PTPRU: variants seen among roughly 807,000 people sequenced by gnomAD.
PTPRU encodes receptor-type tyrosine-protein phosphatase U.
In PTPRU, 69 loss-of-function variants were observed where a neutral mutation model predicts 166.3. The ratio of observed to expected loss-of-function variants is 0.41; its 90% CI spans 0.34 to 0.51. PTPRU has a LOEUF of 0.51. Among genes scored for constraint, PTPRU ranks in the 20% least tolerant of loss-of-function variants. The pLI, the probability that PTPRU is intolerant of heterozygous loss-of-function variation, is 0.09. For missense variants in PTPRU, 1,657 were observed against 2,013.7 expected (o/e 0.82, Z 3.39); for synonymous variants, 793 against 814.0 (o/e 0.97, Z 0.44).
At chr1:29,253,937 A>C (rs1558550583) in intron 1 of PTPRU, among the ~76,000 whole-genome samples, 1 of 152,182 alleles carries the variant, frequency 6.6e-6, no homozygotes, top group Non-Finnish European at 1.5e-5. Flanking sequence ...ATAGGGAAAC[A>C]GAGGCTCAGA....
At chr1:29,304,627 A>G in intron 16 of PTPRU, 147 bp from the exon 17 acceptor site, 2 of 560,940 alleles carry the variant, frequency 3.6e-6, no homozygotes, top group Non-Finnish European at 3.2e-6. Flanking sequence ...CCACAGTGAC[A>G]CAGTGACTTT....
chr1:29,264,481 G>T (rs1260375611), intron 7 of PTPRU, among the ~76,000 whole-genome samples: 1 of 151,512 alleles, frequency 6.6e-6, no homozygotes, highest in Non-Finnish European at 1.5e-5. Flanking sequence ...TTTCAAATGT[G>T]GTGTGAGGTA....
rs748218547 is a variant in PTPRU at position 29,259,358 on chromosome 1, C to A, written c.559+16C>A. On this transcript the variant is annotated intron_variant, in intron 4 of 29. Coordinates refer to ENST00000373779, the MANE Select transcript of PTPRU (RefSeq NM_133178.4). ...TACCCCTGCGGTGAGTCCCAGCCCA[C>A]TGGGGGCGCAGGGGTAAGGGGTGTG... 1 of 1,613,238 alleles carries A rather than the reference C, an allele frequency of 6.2e-7. No homozygotes were observed.
At chr1:29,246,368 C>T (rs995497758) in intron 1 of PTPRU, among the ~76,000 whole-genome samples, 4 of 152,222 alleles carry the variant, frequency 2.6e-5, no homozygotes, top group Admixed American at 1.3e-4. Flanking sequence ...CACTGCCCCA[C>T]GTTGCACATG....
Position 29,315,907 on chromosome 1 carries a change from C to T in PTPRU, c.3364-95C>T. 3.4e-6 allele frequency: 5 copies of T among 1,460,940 alleles called. No homozygotes were observed. The highest frequency in any genetic ancestry group is 4.7e-6 in the Non-Finnish European group (5 of 1,074,880). The allele number at this position is 1,460,940 out of a possible 1,614,324, so 90.5% of individuals were successfully genotyped here. A position where few individuals can be genotyped will look rare whatever the true frequency, so the allele number is the denominator to read the frequency against. On this transcript the variant is annotated intron_variant, in intron 23 of 29. Transcript: ENST00000373779. The surrounding 1 kb of genome is among the most constrained non-coding windows in gnomAD (Gnocchi z 4.5). ...AACATGGTTGGCCTCCACCTCAGGA[C>T]ACCCTGCTTCAACCTTGAGCTTGCT...
At chr1:29,268,154 T>G (rs1685386672) in intron 7 of PTPRU, among the ~76,000 whole-genome samples, 2 of 152,320 alleles carry the variant, frequency 1.3e-5, no homozygotes, top group South Asian at 2.1e-4. Context: ...TCGAGATCCC[T>G]ATTAGACATT....
chr1:29,284,043 G>GA, intron 13 of PTPRU, 67 bp downstream of exon 13: 1 of 1,583,054 alleles, frequency 6.3e-7, no homozygotes, highest in Non-Finnish European at 8.7e-7. Context: ...CTGGGGAGGT[G>GA]GATCCTGAGG....
In PTPRU at chr1:29,238,000, G is replaced by C. The variant is rs1368088499; in HGVS notation, c.73+1283G>C. ...CGCGCGGGGGACGCCCGGGCCTCCC[G>C]GGACACTCCCTTGGTGGAGCCTGCA... is the stretch of plus-strand genomic sequence containing the variant. On this transcript the variant is annotated intron_variant, in intron 1 of 29. Coordinates refer to ENST00000373779, the MANE Select transcript of PTPRU (RefSeq NM_133178.4). The surrounding 1 kb of genome is among the most constrained non-coding windows in gnomAD (Gnocchi z 6.4). 6.6e-6 allele frequency among the ~76,000 whole-genome samples: 1 copy of C among 150,978 alleles called. No individual in the cohort carries two copies.
intron 7 of PTPRU, among the ~76,000 whole-genome samples, chr1:29,265,559 C>T (rs1685264010): frequency 6.6e-6 from 1 of 151,962 alleles, no homozygotes; most frequent in Non-Finnish European, 1.5e-5. Context: ...GATGGGGTTT[C>T]AGCATGTTGG....
rs2151968328 is a variant in PTPRU, at chr1:29,315,248, G to A, written c.3228-124G>A. ...CTGGCTCCTTACTCGGGGAGGGGCAGTCATCTCTGTGTCCGTGTCCCCTGT... is the reference window on the plus strand; with the variant it reads ...CTGGCTCCTTACTCGGGGAGGGGCAATCATCTCTGTGTCCGTGTCCCCTGT... On this transcript the variant is annotated intron_variant, in intron 22 of 29. Transcript: ENST00000373779. The surrounding 1 kb of genome is among the most constrained non-coding windows in gnomAD (Gnocchi z 4.5). 1 of 1,234,416 alleles carries A rather than the reference G, an allele frequency of 8.1e-7. No homozygotes were observed. The highest frequency in any genetic ancestry group is 1.1e-6 in the Non-Finnish European group (1 of 883,272). The allele number at this position is 1,234,416 out of a possible 1,614,324, so 76.5% of individuals were successfully genotyped here. A position where few individuals can be genotyped will look rare whatever the true frequency, so the allele number is the denominator to read the frequency against.
chr1:29,283,792 A>C, intron 12 of PTPRU, 148 bp from the exon 13 acceptor site: 1 of 900,638 alleles, frequency 1.1e-6, no homozygotes, highest in Non-Finnish European at 1.8e-6. Context: ...GGGTCCCCCC[A>C]GGCCTGCCTT....
chr1:29,315,359 GCT>G lies in PTPRU; in HGVS notation c.3228-5_3228-4del. The stretch of plus-strand genomic sequence containing the variant: ...CAAAGCTCTGACCTGGTCTGGGGCT[GCT>G]CTCTCTCCAGCGCGGGCACCGGCCG... On this transcript the variant is annotated splice_polypyrimidine_tract_variant and intron_variant, in intron 22 of 29. Transcript: ENST00000373779. The surrounding 1 kb of genome is among the most constrained non-coding windows in gnomAD (Gnocchi z 4.5). 6.2e-7 allele frequency: 1 copy of G among 1,613,918 alleles called. No homozygotes were observed. Among genetic ancestry groups the G allele is most frequent in the Non-Finnish European group, 8.5e-7 (1 of 1,179,998 alleles).
intron 19 of PTPRU, 84 bp downstream of exon 19, chr1:29,310,864 C>A: frequency 6.8e-7 from 1 of 1,477,910 alleles, no homozygotes; most frequent in Non-Finnish European, 9.5e-7. Flanking sequence ...TCTGCCTCCC[C>A]TGCTGATCCG....
intron 15 of PTPRU, among the ~76,000 whole-genome samples, chr1:29,293,709 C>T (rs1231907210): frequency 6.6e-6 from 1 of 150,596 alleles, no homozygotes; most frequent in African/African-American, 2.4e-5. Context: ...CTCCTGACCT[C>T]GTGATCCACC....
At chr1:29,277,803 C>CTTTTTTTT (rs71586898) in intron 8 of PTPRU, among the ~76,000 whole-genome samples, 837 of 50,578 alleles carry the variant, frequency 0.017, 184 homozygotes, top group Non-Finnish European at 0.021. Flanking sequence ...AGTTGTCATT[C>CTTTTTTTT]TTTTTTTTTT....
rs913340048 is a variant in PTPRU, at chr1:29,311,292, C to T, written c.2858-164C>T. The T allele has an allele frequency of 3.0e-6, 2 of 657,752 alleles. No homozygotes were observed. Among genetic ancestry groups the T allele is most frequent in the East Asian group, 2.7e-5 (1 of 36,738 alleles). The allele number at this position is 657,752 out of a possible 1,614,324, so 40.7% of individuals were successfully genotyped here. A position where few individuals can be genotyped will look rare whatever the true frequency, so the allele number is the denominator to read the frequency against. On this transcript the variant is annotated intron_variant, in intron 19 of 29. Transcript: ENST00000373779. This position sits in a 1 kb window ranked among gnomAD's most constrained non-coding sequence, Gnocchi z 4.1. ...GATGCTACCCAACCTCAGGGCCCTA[C>T]AGGCATGCGTCAGCTGCAAGCTGGG...
chr1:29,284,110 C>T (rs748391171), intron 13 of PTPRU, 134 bp downstream of exon 13: 357 of 1,100,948 alleles, frequency 3.2e-4, no homozygotes, highest in Non-Finnish European at 4.5e-4. Flanking sequence ...CCAGGAGGGG[C>T]TTCCTGCTGG....
Position 29,260,612 on chromosome 1 carries a change from C to A in PTPRU, c.853C>A (p.Pro285Thr). Residue 285 changes from proline to threonine, a missense_variant and splice_region_variant, in exon 7 of 30, where the codon CCC becomes ACC. Transcript: ENST00000373779. The surrounding 1 kb of genome is among the most constrained non-coding windows in gnomAD (Gnocchi z 8.3). ...SNFAELIVKE[P>T]PTPIAPPQLL... ...GCCTCTCCCCCATCTCCTCGCAGAGCCCCCAACTCCCATCGCGCCCCCACA... is the reference window on the plus strand; with the variant it reads ...GCCTCTCCCCCATCTCCTCGCAGAGACCCCAACTCCCATCGCGCCCCCACA... 4.7e-6 allele frequency: 7 copies of A among 1,491,626 alleles called. No homozygotes were observed. Among genetic ancestry groups the A allele is most frequent in the African/African-American group, 2.9e-5 (2 of 69,820 alleles). 92.4% of individuals were successfully genotyped at this position (1,491,626 alleles called of 1,614,324 possible).
Position 29,279,527 on chromosome 1 carries a change from G to T in PTPRU, c.1635G>T (p.Lys545Asn), listed in dbSNP as rs1346492375. Residue 545 changes from lysine to asparagine, a missense_variant, in exon 10 of 30, where the codon AAG (lysine) becomes AAT (asparagine). Lys to Asn is a moderately conservative substitution (Grantham distance 94, BLOSUM62 0). Transcript: ENST00000373779. The surrounding 1 kb of genome is among the most constrained non-coding windows in gnomAD (Gnocchi z 5.2). ...NVPGPRRTISKLRNETYHVFS... is the reference protein window; with the variant it reads ...NVPGPRRTISNLRNETYHVFS... ...CAGGCCCACGACGTACCATCTCCAA[G>T]CTCCGCAATGAGACCTACCATGTCT... 7 of 1,614,046 alleles carry T rather than the reference G, an allele frequency of 4.3e-6. No homozygotes were observed. The Admixed American group carries it at 6.7e-5, about 15-fold the overall frequency.
Sources: allele counts gnomAD v4.1 joint callset (sites outside exome capture counted in the v4.1 genomes callset), GRCh38; gene constraint gnomAD v4.1.1; non-coding constraint Gnocchi (gnomAD v3.1); transcripts MANE v1.5; gene names NCBI Gene and HGNC (gene_info 2026-07-23, HGNC 2026-07-21).